The following ZNF593OS variants were observed in gnomAD, a reference collection of about 807,000 sequenced individuals.
ZNF593OS encodes the protein ZNF593 opposite strand.
chr1:26,171,453 C>T lies in ZNF593OS; in HGVS notation c.46-118G>A, dbSNP rs2088496878. The T allele has an allele frequency of 1.0e-5, 4 of 398,788 alleles. No individual in the cohort carries two copies. The highest frequency in any genetic ancestry group is 1.3e-5 in the Non-Finnish European group (3 of 226,358). 24.7% of individuals were successfully genotyped at this position (398,788 alleles called of 1,614,324 possible). A position where few individuals can be genotyped will look rare whatever the true frequency, so the allele number is the denominator to read the frequency against. ...AGGAGACATGGACGCCGGTCCTGCC[C>T]CAGGGAGATTCCACCCCAATCCCTT... On this transcript the variant is annotated intron_variant, in intron 1 of 1. Transcript: ENST00000648649. The surrounding 1 kb of genome is among the most constrained non-coding windows in gnomAD (Gnocchi z 5.5).
At position 26,171,697 on chromosome 1, in the gene ZNF593OS, G is replaced by C; in HGVS notation, c.-36C>G. ...ACTGGTCTCCCTGGCGGCCTGTAGG[G>C]TGGGAGCGGACGTGAAGACCAGTGG... On this transcript the variant is annotated 5_prime_UTR_variant, in exon 1 of 2. Coordinates refer to ENST00000648649, the Ensembl canonical transcript of ZNF593OS. The surrounding 1 kb of genome is among the most constrained non-coding windows in gnomAD (Gnocchi z 5.5). 5.0e-6 allele frequency: 2 copies of C among 398,662 alleles called. No individual in the cohort carries two copies. The highest frequency in any genetic ancestry group is 8.8e-6 in the Non-Finnish European group (2 of 226,092). 24.7% of individuals were successfully genotyped at this position (398,662 alleles called of 1,614,324 possible). A position where few individuals can be genotyped will look rare whatever the true frequency, so the allele number is the denominator to read the frequency against.
rs1049827895 is a variant in ZNF593OS, at chr1:26,171,380, C to A, written c.46-45G>T. The A allele has an allele frequency of 5.0e-6, 2 of 399,390 alleles. No individual in the cohort carries two copies. The highest frequency in any genetic ancestry group is 8.8e-6 in the Non-Finnish European group (2 of 226,706). The allele number at this position is 399,390 out of a possible 1,614,324, so 24.7% of individuals were successfully genotyped here. On this transcript the variant is annotated intron_variant, in intron 1 of 1. Transcript: ENST00000648649. This position sits in a 1 kb window ranked among gnomAD's most constrained non-coding sequence, Gnocchi z 5.5. ...GTGCCTCAGGGGTCAGTTGAGACTG[C>A]CAGGAAGGTGGGGAGTGGGAAAGGG...
At chr1:26,169,734 G>A (rs966098101), downstream of ZNF593OS, 9 of 507,002 alleles carry the variant, frequency 1.8e-5, no homozygotes, top group African/African-American at 1.6e-4. Context: ...CGCCTCCCCA[G>A]CGAGGGCCCG....
chr1:26,169,832 C>A, downstream of ZNF593OS: 2 of 836,696 alleles, frequency 2.4e-6, no homozygotes, highest in Non-Finnish European at 3.4e-6. Context: ...GGCGCTCGAG[C>A]CGCTGGCCGA....
downstream of ZNF593OS, chr1:26,170,454 C>A (rs1233099483): frequency 6.2e-7 from 1 of 1,614,230 alleles, no homozygotes. Context: ...TGAAGACCCA[C>A]TTCCGATCCA....
downstream of ZNF593OS, chr1:26,170,142 C>G (rs1446879494): frequency 6.4e-7 from 1 of 1,571,984 alleles, no homozygotes. Flanking sequence ...AGTTCGACCC[C>G]GACCTGCCAG....
rs8768 is a variant in ZNF593OS at position 26,170,849 on chromosome 1, A to C, written c.*340T>G. ...GGGCCTCTTCTTGGTGCCCTGCCCC[A>C]AATAAAGGAACTGGACAAAGAGAAC... On this transcript the variant is annotated 3_prime_UTR_variant, in exon 2 of 2. Transcript: ENST00000648649. 876,566 of 1,133,064 alleles carry C rather than the reference A, an allele frequency of 0.77. 340,869 individuals are homozygous for C. Among genetic ancestry groups the C allele is most frequent in the East Asian group, 0.98 (39,072 of 39,736 alleles). 70.2% of individuals were successfully genotyped at this position (1,133,064 alleles called of 1,614,324 possible).
chr1:26,170,077 C>T (rs751210485), downstream of ZNF593OS: 79 of 1,573,350 alleles, frequency 5.0e-5, no homozygotes, highest in Middle Eastern at 5.0e-4. Flanking sequence ...GGATGAGATT[C>T]ACCGCGAGCT....
chr1:26,170,182 G>A, downstream of ZNF593OS: 1 of 1,572,950 alleles, frequency 6.4e-7, no homozygotes, highest in Non-Finnish European at 8.6e-7. Flanking sequence ...TCTGGCCTGC[G>A]CGTGAGTCCC....
chr1:26,170,391 C>T (rs765838830), downstream of ZNF593OS: 2 of 1,605,222 alleles, frequency 1.2e-6, no homozygotes, highest in South Asian at 1.1e-5. Context: ...CACCTCCTCA[C>T]TCTCCTTCTC....
downstream of ZNF593OS, chr1:26,170,083 G>T: frequency 6.4e-7 from 1 of 1,572,942 alleles, no homozygotes; most frequent in Non-Finnish European, 8.6e-7. Context: ...GATTCACCGC[G>T]AGCTGCGGCC....
chr1:26,170,173 C>T, downstream of ZNF593OS: 3 of 1,571,636 alleles, frequency 1.9e-6, no homozygotes, highest in Non-Finnish European at 2.6e-6. Flanking sequence ...GCACCGCTGT[C>T]TGGCCTGCGC....
chr1:26,171,719 G>T lies in ZNF593OS; in HGVS notation c.-58C>A, dbSNP rs1022064404. The T allele has an allele frequency of 1.3e-5, 5 of 398,502 alleles. No individual in the cohort carries two copies. Among genetic ancestry groups the T allele is most frequent in the African/African-American group, 2.1e-5 (1 of 48,626 alleles). The allele number at this position is 398,502 out of a possible 1,614,324, so 24.7% of individuals were successfully genotyped here. On this transcript the variant is annotated 5_prime_UTR_variant, in exon 1 of 2. Transcript: ENST00000648649. The surrounding 1 kb of genome is among the most constrained non-coding windows in gnomAD (Gnocchi z 5.5). Reference sequence around the variant, plus strand: ...AGGGTGGGAGCGGACGTGAAGACCAGTGGTCTTCATGACACCAAGAAGTGG... The same window carrying T: ...AGGGTGGGAGCGGACGTGAAGACCATTGGTCTTCATGACACCAAGAAGTGG...
At chr1:26,170,589 G>C in exon 2 of ZNF593OS, 4 of 1,613,854 alleles carry the variant, frequency 2.5e-6, no homozygotes, top group Non-Finnish European at 3.4e-6. Flanking sequence ...AAGCAGCTGA[G>C]CGTCGAGCCC....
chr1:26,170,190 C>G, downstream of ZNF593OS: 1 of 1,571,328 alleles, frequency 6.4e-7, no homozygotes, highest in Non-Finnish European at 8.6e-7. Context: ...GCGCGTGAGT[C>G]CCGGACGAGC....
downstream of ZNF593OS, chr1:26,169,805 G>A (rs909785288): frequency 2.4e-5 from 16 of 656,292 alleles, no homozygotes; most frequent in Admixed American, 3.7e-5. Flanking sequence ...GGTCACTGAC[G>A]TCGACGGCCG....
downstream of ZNF593OS, chr1:26,169,883 C>G (rs866693428): frequency 5.7e-5 from 73 of 1,272,626 alleles, 1 homozygote; most frequent in Admixed American, 2.0e-3. Flanking sequence ...GCCTGCCTAG[C>G]CCCCCGGCGT....
exon 2 of ZNF593OS, chr1:26,170,943 T>C (rs923746800): frequency 2.8e-5 from 17 of 614,972 alleles, no homozygotes; most frequent in Non-Finnish European, 4.5e-5. Context: ...TCTACTACTT[T>C]CTGTACACCA....
At chr1:26,170,486 A>C, downstream of ZNF593OS, 1 of 1,614,186 alleles carries the variant, frequency 6.2e-7, no homozygotes, top group Non-Finnish European at 8.5e-7. Flanking sequence ...AAAAGGTATG[A>C]AGGAGTAAGG....
Sources: allele counts gnomAD v4.1 joint callset, GRCh38; gene constraint gnomAD v4.1.1; non-coding constraint Gnocchi (gnomAD v3.1); transcripts MANE v1.5; gene names NCBI Gene and HGNC (gene_info 2026-07-23, HGNC 2026-07-21).